PDE9A: variants seen among roughly 807,000 people sequenced by gnomAD.
The protein encoded by PDE9A is high affinity cGMP-specific 3',5'-cyclic phosphodiesterase 9A.
A neutral mutation model predicts 87.4 loss-of-function variants in PDE9A; 60 were observed. The observed-to-expected ratio is 0.69, with a 90% CI of 0.56 to 0.85. The LOEUF is 0.85. Among genes scored for constraint, PDE9A ranks in the 40% least tolerant of loss-of-function variants. The pLI is 0.00. For synonymous variants in PDE9A, 272 were observed against 279.4 expected, an observed-to-expected ratio of 0.97 and a Z score of 0.27; for missense variants, 665 against 779.0, an observed-to-expected ratio of 0.85 and a Z score of 1.74.
At chr21:42,768,065 A>G (rs9982811) in intron 15 of PDE9A, 123 bp from the exon 16 acceptor site, 41,511 of 668,566 alleles carry the variant, frequency 0.062, 1,592 homozygotes, top group South Asian at 0.12. Flanking sequence ...AGCCAAGCTC[A>G]GTTGCATGGT....
intron 7 of PDE9A, among the ~76,000 whole-genome samples, chr21:42,736,716 C>A (rs1377770648): frequency 6.6e-6 from 1 of 152,134 alleles, no homozygotes. Context: ...TGGGTGAGGT[C>A]AGGGGGGACT....
At chr21:42,709,645 T>A (rs1252705091) in intron 4 of PDE9A, among the ~76,000 whole-genome samples, 1 of 152,142 alleles carries the variant, frequency 6.6e-6, no homozygotes, top group Non-Finnish European at 1.5e-5. Context: ...GTGTCTGGAC[T>A]CTTTCACTCA....
At chr21:42,670,576 CACATACACG>C (rs2058476291) in intron 1 of PDE9A, among the ~76,000 whole-genome samples, 1 of 151,422 alleles carries the variant, frequency 6.6e-6, no homozygotes, top group Admixed American at 6.6e-5. Context: ...ATACACACAC[CACATACACG>C]CATACACTTA....
chr21:42,740,675 T>A (rs1939186509), intron 7 of PDE9A, among the ~76,000 whole-genome samples: 1 of 150,324 alleles, frequency 6.7e-6, no homozygotes, highest in Admixed American at 6.6e-5. Flanking sequence ...AATGGATGGA[T>A]GGATAGATAC....
chr21:42,699,451 G>A (rs2300958), intron 4 of PDE9A, among the ~76,000 whole-genome samples: 49 of 152,102 alleles, frequency 3.2e-4, no homozygotes, highest in Middle Eastern at 3.2e-3. Context: ...TGTCCTCCCC[G>A]CTCCACTGTG....
intron 4 of PDE9A, among the ~76,000 whole-genome samples, chr21:42,725,982 G>T (rs1247056293): frequency 2.0e-5 from 3 of 152,192 alleles, no homozygotes; most frequent in South Asian, 4.1e-4. Flanking sequence ...TTCCACGGGG[G>T]TTGGCATTAT....
chr21:42,666,136 G>A (rs1287206138), intron 1 of PDE9A, among the ~76,000 whole-genome samples: 3 of 152,144 alleles, frequency 2.0e-5, no homozygotes, highest in East Asian at 1.9e-4. Flanking sequence ...AGTGGGCGTG[G>A]CCACAACCGA....
At chr21:42,668,221 G>A (rs1040719063) in intron 1 of PDE9A, among the ~76,000 whole-genome samples, 43 of 152,078 alleles carry the variant, frequency 2.8e-4, no homozygotes, top group African/African-American at 9.2e-4. Flanking sequence ...TGGGTCCCCC[G>A]AGCACCTCCT....
intron 16 of PDE9A, 72 bp from the exon 17 acceptor site, chr21:42,768,955 T>G (rs1159387754): frequency 6.5e-7 from 1 of 1,528,942 alleles, no homozygotes; most frequent in East Asian, 2.3e-5. Context: ...CATCTTGTCT[T>G]TCTCTGAGAA....
At chr21:42,749,522 A>G (rs375428728) in intron 8 of PDE9A, among the ~76,000 whole-genome samples, 1 of 152,210 alleles carries the variant, frequency 6.6e-6, no homozygotes, top group Non-Finnish European at 1.5e-5. Context: ...ACACTGCCCA[A>G]CCGGAAGGTG....
At chr21:42,732,191 G>A (rs2051866000) in intron 6 of PDE9A, 67 bp downstream of exon 6, 1 of 1,475,242 alleles carries the variant, frequency 6.8e-7, no homozygotes. Context: ...GCGAGGGCAG[G>A]CCCCAGGCTC....
intron 4 of PDE9A, among the ~76,000 whole-genome samples, chr21:42,715,825 T>C (rs1468899392): frequency 6.6e-6 from 1 of 151,384 alleles, no homozygotes; most frequent in Non-Finnish European, 1.5e-5. Context: ...TTCCCTGGGT[T>C]TGGACAAATA....
intron 4 of PDE9A, among the ~76,000 whole-genome samples, chr21:42,725,244 GT>G (rs563851675): frequency 1.0e-4 from 15 of 147,760 alleles, no homozygotes; most frequent in Admixed American, 2.0e-4. Context: ...TTTTGTTTTT[GT>G]TTTTTTTTTG....
At chr21:42,662,742 CACACAAG>C (rs2057626906) in intron 1 of PDE9A, among the ~76,000 whole-genome samples, 1 of 136,350 alleles carries the variant, frequency 7.3e-6, no homozygotes, top group South Asian at 2.4e-4. Context: ...AGGCACATCA[CACACAAG>C]AACGCACACC....
In PDE9A at chr21:42,769,029, C is replaced by T. The variant is rs567599598; in HGVS notation, c.1464C>T (p.Ser488=). 73 of 1,610,130 alleles carry T rather than the reference C, an allele frequency of 4.5e-5. No homozygotes were observed. Among genetic ancestry groups the T allele is most frequent in the African/African-American group, 6.7e-5 (5 of 74,946 alleles). The change falls in exon 17 of 20, where the codon AGC becomes AGT. Residue 488 remains serine, a splice_region_variant and synonymous_variant. Transcript: ENST00000291539. The part of the protein sequence containing the change: ...DCLLEEYFMQ[S]DREKSEGLPV... ...ACTGTCTGCTGCATTCCCTGCAGAG[C>T]GACCGTGAGAAGTCAGAAGGCCTTC... is the stretch of plus-strand genomic sequence containing the variant.
intron 1 of PDE9A, among the ~76,000 whole-genome samples, chr21:42,677,770 G>A (rs1428618518): frequency 6.6e-6 from 1 of 152,162 alleles, no homozygotes; most frequent in Non-Finnish European, 1.5e-5. Flanking sequence ...GGCCTCCTGA[G>A]GAGCTGGGAC....
Position 42,775,498 on chromosome 21 carries a change from CTT to C in PDE9A, c.*206_*207del. Reference sequence around the variant, plus strand: ...TAAACTGTCTTTTAAATAATATATTCTTATACGGAAATGGGTACTGTACTTCT... The same window carrying C: ...TAAACTGTCTTTTAAATAATATATTCATACGGAAATGGGTACTGTACTTCT... On this transcript the variant is annotated 3_prime_UTR_variant, in exon 20 of 20. Transcript: ENST00000291539. 2.0e-6 allele frequency: 1 copy of C among 512,416 alleles called. No individual in the cohort carries two copies. Among genetic ancestry groups the C allele is most frequent in the Non-Finnish European group, 3.5e-6 (1 of 289,542 alleles). 31.7% of individuals were successfully genotyped at this position (512,416 alleles called of 1,614,324 possible).
At chr21:42,674,411 C>A (rs999838381) in intron 1 of PDE9A, among the ~76,000 whole-genome samples, 12 of 150,516 alleles carry the variant, frequency 8.0e-5, no homozygotes, top group African/African-American at 2.9e-4. Flanking sequence ...CGAGTCCTGG[C>A]CCTTGGGGAG....
At chr21:42,717,974 C>A (rs1246601405) in intron 4 of PDE9A, among the ~76,000 whole-genome samples, 1 of 151,614 alleles carries the variant, frequency 6.6e-6, no homozygotes, top group Non-Finnish European at 1.5e-5. Flanking sequence ...GGCTAGAGTG[C>A]AGTGGTGCGA....
Sources: allele counts gnomAD v4.1 joint callset (sites outside exome capture counted in the v4.1 genomes callset), GRCh38; gene constraint gnomAD v4.1.1; transcripts MANE v1.5; gene names NCBI Gene and HGNC (gene_info 2026-07-23, HGNC 2026-07-21).